Variants in B3GLCT observed in about 807,000 individuals in gnomAD.
B3GLCT encodes the protein beta-1,3-glucosyltransferase.
In B3GLCT, 65 loss-of-function variants were observed where a neutral mutation model predicts 63.4. The observed-to-expected ratio is 1.03, with a 90% CI of 0.84 to 1.26. The LOEUF is 1.26. Among genes scored for constraint, B3GLCT ranks in the 50% most tolerant of loss-of-function variants. The probability of loss-of-function intolerance (pLI) is 0.00; values close to 1 mark genes in which losing one functional copy is unlikely to be tolerated. For missense variants in B3GLCT, 577 were observed against 604.8 expected (o/e 0.95, Z 0.48); for synonymous variants, 233 against 219.2 (o/e 1.06, Z -0.55).
intron 8 of B3GLCT, among the ~76,000 whole-genome samples, chr13:31,274,245 T>C (rs577699885): frequency 1.1e-4 from 16 of 152,370 alleles, no homozygotes; most frequent in Non-Finnish European, 2.4e-4. Flanking sequence ...TGTTCTTTCC[T>C]AAAACCGCAT....
At chr13:31,300,229 A>C (rs1273866479) in intron 12 of B3GLCT, among the ~76,000 whole-genome samples, 3 of 151,998 alleles carry the variant, frequency 2.0e-5, no homozygotes, top group African/African-American at 7.2e-5. Flanking sequence ...GTTTGTGAGG[A>C]TCTCCTCCTT....
At position 31,269,224 on chromosome 13, in the gene B3GLCT, A is replaced by C; in HGVS notation, c.607A>C (p.Arg203=). The part of the protein sequence containing the change: ...SIPLVNKLTK[R]LKSESLKSDF... ...GTCTCTATTTTCTAGGCTTACCAAG[A>C]GACTAAAGAGTGAATCCTTGAAATC... The change falls in exon 8 of 15, where the codon AGA becomes CGA. Residue 203 remains arginine (R), a synonymous_variant. Transcript: ENST00000343307. 1 of 1,609,084 alleles carries C rather than the reference A, an allele frequency of 6.2e-7. No individual in the cohort carries two copies. Among genetic ancestry groups the C allele is most frequent in the Admixed American group, 1.7e-5 (1 of 60,000 alleles).
chr13:31,208,607 GCTT>G (rs1210354380), intron 1 of B3GLCT, among the ~76,000 whole-genome samples: 1 of 103,748 alleles, frequency 9.6e-6, no homozygotes, highest in African/African-American at 3.7e-5. Flanking sequence ...TGCAGCTTCT[GCTT>G]CTTTAGTGGC....
chr13:31,316,163 A>G (rs966528182), intron 12 of B3GLCT, among the ~76,000 whole-genome samples: 1 of 151,896 alleles, frequency 6.6e-6, no homozygotes, highest in Admixed American at 6.6e-5. Context: ...CCCCACTGGG[A>G]CACTGCCTAG....
intron 1 of B3GLCT, among the ~76,000 whole-genome samples, chr13:31,207,415 T>C (rs1869016696): frequency 6.6e-6 from 1 of 152,172 alleles, no homozygotes; most frequent in Non-Finnish European, 1.5e-5. Flanking sequence ...AGGGTGGGGT[T>C]TTAAATCTCA....
At chr13:31,233,674 A>G (rs1315252281) in intron 4 of B3GLCT, among the ~76,000 whole-genome samples, 1 of 152,126 alleles carries the variant, frequency 6.6e-6, no homozygotes, top group Non-Finnish European at 1.5e-5. Flanking sequence ...TCCAGGATAT[A>G]TCATGTGGGT....
intron 1 of B3GLCT, among the ~76,000 whole-genome samples, chr13:31,206,974 A>G (rs1868990098): frequency 6.6e-6 from 1 of 152,218 alleles, no homozygotes; most frequent in Non-Finnish European, 1.5e-5. Context: ...CATGAGTATC[A>G]AAAGTTAGAG....
At chr13:31,214,424 G>A (rs146051268) in intron 1 of B3GLCT, among the ~76,000 whole-genome samples, 8 of 152,222 alleles carry the variant, frequency 5.3e-5, no homozygotes, top group Admixed American at 3.3e-4. Flanking sequence ...GGATATCTTC[G>A]TCTGTGATGG....
chr13:31,202,575 G>C (rs561267406), intron 1 of B3GLCT, among the ~76,000 whole-genome samples: 1 of 152,270 alleles, frequency 6.6e-6, no homozygotes, highest in African/African-American at 2.4e-5. Context: ...AAGGATGGTG[G>C]GGTGGTGGTG....
Position 31,280,894 on chromosome 13 carries a change from G to A in B3GLCT, c.851-3754G>A, listed in dbSNP as rs779502111. ...CCCTCTGAGAGGCAAGCATTTAGTA[G>A]GATTTTAAAGAAACTTGAGAACTGT... On this transcript the variant is annotated intron_variant, in intron 10 of 14. Transcript: ENST00000343307. Among the ~76,000 whole-genome samples, 118 of 152,250 alleles carry A rather than the reference G, an allele frequency of 7.8e-4. 1 individual carries two copies. The highest frequency in any genetic ancestry group is 1.5e-3 in the Non-Finnish European group (102 of 68,014).
rs767995078 is a variant in B3GLCT, at chr13:31,274,501, C to T, written c.661-8C>T. ...TTTCATCACTGCCTGTCTCCTGTCT[C>T]GTGGCAGATTGCCCTCTACATCTGG... On this transcript the variant is annotated splice_polypyrimidine_tract_variant and splice_region_variant and intron_variant, in intron 8 of 14. Coordinates refer to ENST00000343307, the MANE Select transcript of B3GLCT (RefSeq NM_194318.4). The T allele has an allele frequency of 9.9e-6, 16 of 1,614,066 alleles. No homozygotes were observed. Among genetic ancestry groups the T allele is most frequent in the African/African-American group, 6.7e-5 (5 of 74,932 alleles).
At chr13:31,242,227 A>G (rs866055512) in intron 4 of B3GLCT, among the ~76,000 whole-genome samples, 1 of 152,150 alleles carries the variant, frequency 6.6e-6, no homozygotes, top group Non-Finnish European at 1.5e-5. Context: ...CAGCAGAGCC[A>G]TGTTGATAGG....
intron 4 of B3GLCT, among the ~76,000 whole-genome samples, chr13:31,236,902 G>A (rs1020943672): frequency 3.3e-5 from 5 of 152,082 alleles, no homozygotes; most frequent in African/African-American, 7.2e-5. Flanking sequence ...CAAGGTGGGC[G>A]GATCACCTGA....
chr13:31,215,349 A>T (rs778790163), intron 2 of B3GLCT, among the ~76,000 whole-genome samples: 9 of 152,234 alleles, frequency 5.9e-5, no homozygotes, highest in Non-Finnish European at 1.2e-4. Flanking sequence ...GTGTTTTGAC[A>T]TAGAGTTGGA....
chr13:31,243,780 A>G (rs992590436), intron 4 of B3GLCT, among the ~76,000 whole-genome samples: 1 of 152,242 alleles, frequency 6.6e-6, no homozygotes, highest in African/African-American at 2.4e-5. Flanking sequence ...AAAGTTCAGT[A>G]GGCTTCCTGT....
Position 31,329,765 on chromosome 13 carries a change from A to G in B3GLCT, c.*97A>G. The G allele has an allele frequency of 7.2e-7, 1 of 1,388,692 alleles. No homozygotes were observed. The highest frequency in any genetic ancestry group is 1.0e-6 in the Non-Finnish European group (1 of 988,160). 86.0% of individuals were successfully genotyped at this position (1,388,692 alleles called of 1,614,324 possible). A position where few individuals can be genotyped will look rare whatever the true frequency, so the allele number is the denominator to read the frequency against. On this transcript the variant is annotated 3_prime_UTR_variant, in exon 15 of 15. Transcript: ENST00000343307. ...TGCTCACAACACTTGTGTCTGCCAC[A>G]TGGCATTGGGTGCTTCCTGACTTTA...
At position 31,260,964 on chromosome 13, in the gene B3GLCT, G is replaced by T; in HGVS notation, c.478G>T (p.Ala160Ser). 1 of 1,613,886 alleles carries T rather than the reference G, an allele frequency of 6.2e-7. No homozygotes were observed. The highest frequency in any genetic ancestry group is 8.5e-7 in the Non-Finnish European group (1 of 1,179,806). ...TTAACAGGAATGGTTTTTGGGAAAA[G>T]CATTACATGATGAAGAAGCTACAAT... ...DPSKEWFLGK[A>S]LHDEEATIIH... Residue 160 changes from alanine (A) to serine (S), a missense_variant, in exon 7 of 15, where the codon GCA becomes TCA. Coordinates refer to ENST00000343307, the MANE Select transcript of B3GLCT (RefSeq NM_194318.4).
At chr13:31,278,075 T>G (rs1566077631) in intron 10 of B3GLCT, among the ~76,000 whole-genome samples, 1 of 152,160 alleles carries the variant, frequency 6.6e-6, no homozygotes, top group Non-Finnish European at 1.5e-5. Flanking sequence ...TTTTGTTTCT[T>G]TTACAGCAAG....
intron 6 of B3GLCT, among the ~76,000 whole-genome samples, chr13:31,249,462 T>C (rs899576210): frequency 2.6e-5 from 4 of 152,242 alleles, no homozygotes; most frequent in Admixed American, 6.5e-5. Context: ...GCTTTTATGT[T>C]TCCTTTTGGC....
Sources: gnomAD v4.1 joint callset for allele counts (sites outside exome capture counted in the v4.1 genomes callset) on GRCh38, gnomAD v4.1.1 for gene constraint, MANE v1.5 for transcripts, NCBI Gene and HGNC (gene_info 2026-07-23, HGNC 2026-07-21) for gene names.